Variants in SLC35F3 observed in about 807,000 individuals in gnomAD.
SLC35F3 encodes putative thiamine transporter SLC35F3.
Under a neutral mutation model 49.9 loss-of-function variants are expected in SLC35F3, and 25 were observed. The observed-to-expected ratio is 0.50, with a 90% CI of 0.37 to 0.70. The LOEUF (loss-of-function observed/expected upper bound fraction) is 0.70. Ranked by LOEUF, SLC35F3 falls within the 30% of genes least tolerant of loss-of-function variation. The pLI, the probability that SLC35F3 is intolerant of heterozygous loss-of-function variation, is 0.00. For synonymous variants in SLC35F3, 275 were observed against 265.4 expected, an observed-to-expected ratio of 1.04 and a Z score of -0.35; for missense variants, 525 against 639.8, an observed-to-expected ratio of 0.82 and a Z score of 1.94.
At chr1:233,978,344 A>C (rs185814403) in intron 2 of SLC35F3, among the ~76,000 whole-genome samples, 113 of 152,320 alleles carry the variant, frequency 7.4e-4, no homozygotes, top group Admixed American at 7.4e-3. Context: ...ATTCAATTGC[A>C]TTGATTTCTT....
chr1:234,192,524 T>G (rs1324210080), intron 2 of SLC35F3, among the ~76,000 whole-genome samples: 1 of 151,510 alleles, frequency 6.6e-6, no homozygotes, highest in Non-Finnish European at 1.5e-5. Flanking sequence ...AAAGCATTCC[T>G]TCTGAGAACA....
At chr1:234,053,420 G>T (rs1308885332) in intron 2 of SLC35F3, among the ~76,000 whole-genome samples, 1 of 152,076 alleles carries the variant, frequency 6.6e-6, no homozygotes, top group Non-Finnish European at 1.5e-5. Flanking sequence ...GAGCTTTGTT[G>T]GTTTAAAGTC....
intron 2 of SLC35F3, among the ~76,000 whole-genome samples, chr1:234,163,393 A>G (rs1199554618): frequency 6.6e-6 from 1 of 152,130 alleles, no homozygotes; most frequent in Non-Finnish European, 1.5e-5. Context: ...TACACACAGA[A>G]TGGGACAGAG....
At chr1:234,203,659 C>T (rs1177280542) in intron 2 of SLC35F3, among the ~76,000 whole-genome samples, 3 of 151,644 alleles carry the variant, frequency 2.0e-5, no homozygotes, top group Non-Finnish European at 4.4e-5. Flanking sequence ...TGTGGTGAGC[C>T]GAGATCACGC....
In SLC35F3 at chr1:234,316,676, C is replaced by T. The variant is rs770731500; in HGVS notation, c.903C>T (p.Val301=). The T allele has an allele frequency of 5.0e-6, 8 of 1,613,300 alleles. No homozygotes were observed. In the South Asian group the frequency reaches 8.8e-5, roughly 18 times the overall value. The part of the protein sequence containing the change: ...TYADGFHSHS[V]IGIALVVASA... Reference sequence around the variant, plus strand: ...CTGATGGCTTCCACAGCCACTCCGTCATCGGCATCGCACTGGTGGTGGCCT... The same window carrying T: ...CTGATGGCTTCCACAGCCACTCCGTTATCGGCATCGCACTGGTGGTGGCCT... Residue 301 remains valine, a synonymous_variant, in exon 5 of 8, where the codon GTC becomes GTT. Transcript: ENST00000366618.
At chr1:234,073,845 C>A (rs1428985042) in intron 2 of SLC35F3, among the ~76,000 whole-genome samples, 1 of 152,004 alleles carries the variant, frequency 6.6e-6, no homozygotes, top group Non-Finnish European at 1.5e-5. Context: ...GCTTCAGTTT[C>A]TTTTTTTATT....
At chr1:234,307,912 T>C (rs193285353) in intron 3 of SLC35F3, among the ~76,000 whole-genome samples, 9 of 152,320 alleles carry the variant, frequency 5.9e-5, no homozygotes, top group Admixed American at 2.0e-4. Context: ...CCAAGCCTTC[T>C]CAGTGGCCTT....
intron 2 of SLC35F3, among the ~76,000 whole-genome samples, chr1:234,221,666 A>G (rs1667208501): frequency 6.6e-6 from 1 of 152,202 alleles, no homozygotes. Flanking sequence ...TTGGCGCATA[A>G]TACATTTCCA....
At chr1:234,125,121 A>G (rs566901141) in intron 2 of SLC35F3, among the ~76,000 whole-genome samples, 1 of 152,168 alleles carries the variant, frequency 6.6e-6, no homozygotes, top group Non-Finnish European at 1.5e-5. Flanking sequence ...TCACCATCCT[A>G]TCCCGCCTCA....
At chr1:234,313,869 A>G (rs1411387210) in intron 4 of SLC35F3, among the ~76,000 whole-genome samples, 5 of 152,246 alleles carry the variant, frequency 3.3e-5, no homozygotes, top group Admixed American at 6.5e-5. Context: ...ACATATGTGC[A>G]TACTTTTTAA....
intron 2 of SLC35F3, among the ~76,000 whole-genome samples, chr1:233,945,583 T>A (rs1486575045): frequency 6.6e-6 from 1 of 152,226 alleles, no homozygotes; most frequent in Non-Finnish European, 1.5e-5. Context: ...GGGATGTTGA[T>A]ACAGTTTGGC....
chr1:234,045,122 T>A (rs1241609675), intron 2 of SLC35F3, among the ~76,000 whole-genome samples: 1 of 152,200 alleles, frequency 6.6e-6, no homozygotes, highest in Non-Finnish European at 1.5e-5. Flanking sequence ...GTTTTGTATG[T>A]GTCTCCTATA....
intron 3 of SLC35F3, among the ~76,000 whole-genome samples, chr1:234,302,305 G>A (rs915105375): frequency 6.6e-6 from 1 of 152,166 alleles, no homozygotes; most frequent in Non-Finnish European, 1.5e-5. Flanking sequence ...GTTTCAGGGA[G>A]AAACAGTCAA....
At chr1:234,181,076 G>A (rs538023735) in intron 2 of SLC35F3, among the ~76,000 whole-genome samples, 1 of 152,220 alleles carries the variant, frequency 6.6e-6, no homozygotes, top group Admixed American at 6.5e-5. Flanking sequence ...TGGCTGGATT[G>A]TAATCCAGCA....
chr1:233,912,503 A>G (rs1387656168), intron 2 of SLC35F3, among the ~76,000 whole-genome samples: 3 of 121,012 alleles, frequency 2.5e-5, no homozygotes, highest in Admixed American at 1.6e-4. Context: ...AGAAACAAAC[A>G]AACAAAAAAA....
Position 234,231,317 on chromosome 1 carries a change from C to T in SLC35F3, c.284-100C>T. Reference sequence around the variant, plus strand: ...CCTGCACCCGCTATCTCCCCGGGCCCCCAGGTAGCTGGTGGTGACAATGGC... The same window carrying T: ...CCTGCACCCGCTATCTCCCCGGGCCTCCAGGTAGCTGGTGGTGACAATGGC... On this transcript the variant is annotated intron_variant, in intron 2 of 7. Coordinates refer to ENST00000366618, the MANE Select transcript of SLC35F3 (RefSeq NM_173508.4). This position sits in a 1 kb window ranked among gnomAD's most constrained non-coding sequence, Gnocchi z 5.4. 1 of 1,048,928 alleles carries T rather than the reference C, an allele frequency of 9.5e-7. No individual in the cohort carries two copies. Among genetic ancestry groups the T allele is most frequent in the Non-Finnish European group, 1.3e-6 (1 of 748,972 alleles). 65.0% of individuals were successfully genotyped at this position (1,048,928 alleles called of 1,614,324 possible).
chr1:234,008,050 C>G (rs1663658212), intron 2 of SLC35F3, among the ~76,000 whole-genome samples: 1 of 152,196 alleles, frequency 6.6e-6, no homozygotes, highest in African/African-American at 2.4e-5. Flanking sequence ...ATTCTAGAGT[C>G]CTAGGAACGG....
In SLC35F3 at chr1:233,914,759, C is replaced by CT. The variant is rs368248964; in HGVS notation, c.283+9011dup. On this transcript the variant is annotated intron_variant, in intron 2 of 7. Coordinates refer to ENST00000366618, the MANE Select transcript of SLC35F3 (RefSeq NM_173508.4). The stretch of plus-strand genomic sequence containing the variant: ...CACAGCAGGAGGATGAACCATATTT[C>CT]TTTTTTTTTTGTACATGATGTCTTT... Among the ~76,000 whole-genome samples, 267 of 149,136 alleles carry CT rather than the reference C, an allele frequency of 1.8e-3. 2 individuals are homozygous for CT. The highest frequency in any genetic ancestry group is 5.1e-3 in the African/African-American group (209 of 40,736).
At chr1:234,282,861 A>G (rs1375175276) in intron 3 of SLC35F3, among the ~76,000 whole-genome samples, 1 of 152,164 alleles carries the variant, frequency 6.6e-6, no homozygotes, top group African/African-American at 2.4e-5. Flanking sequence ...TAGTGCATAA[A>G]CCAATAGTTG....
Sources: allele counts gnomAD v4.1 joint callset (sites outside exome capture counted in the v4.1 genomes callset), GRCh38; gene constraint gnomAD v4.1.1; non-coding constraint Gnocchi (gnomAD v3.1); transcripts MANE v1.5; gene names NCBI Gene and HGNC (gene_info 2026-07-23, HGNC 2026-07-21).